ITGB6: variants seen among roughly 807,000 people sequenced by gnomAD.
ITGB6 encodes the protein integrin subunit beta 6, also known as integrin beta-6.
Under a neutral mutation model 84.5 loss-of-function variants are expected in ITGB6, and 80 were observed. That is an observed-to-expected ratio of 0.95 (90% CI 0.79 to 1.14). ITGB6 has a LOEUF of 1.14. Ranked by LOEUF, ITGB6 falls within the 50% of genes most tolerant of loss-of-function variation. The pLI is 0.00. For synonymous variants in ITGB6, 383 were observed against 354.9 expected (o/e 1.08, Z -0.89); for missense variants, 1,006 against 968.0 (o/e 1.04, Z -0.52).
intron 4 of ITGB6, 36 bp downstream of exon 4, chr2:160,195,333 C>T (rs1198244440): frequency 1.2e-6 from 2 of 1,612,076 alleles, no homozygotes; most frequent in Non-Finnish European, 1.7e-6. Flanking sequence ...CACAGAAAAT[C>T]AGCGCACAAA....
At chr2:160,179,322 T>G (rs2105877641) in intron 4 of ITGB6, among the ~76,000 whole-genome samples, 1 of 152,040 alleles carries the variant, frequency 6.6e-6, no homozygotes, top group Admixed American at 6.5e-5. Flanking sequence ...TACCATATAC[T>G]CATATATGTT....
At chr2:160,152,259 T>C (rs1458412006) in intron 7 of ITGB6, among the ~76,000 whole-genome samples, 1 of 152,208 alleles carries the variant, frequency 6.6e-6, no homozygotes, top group Admixed American at 6.5e-5. Context: ...CATGATCAAG[T>C]TGGCTTCATC....
intron 7 of ITGB6, among the ~76,000 whole-genome samples, chr2:160,163,711 A>T (rs976422859): frequency 3.3e-5 from 5 of 152,118 alleles, no homozygotes; most frequent in Admixed American, 6.5e-5. Flanking sequence ...AGCAGGTTCA[A>T]TTGTGAGTTA....
chr2:160,137,780 C>T lies in ITGB6; in HGVS notation c.1314G>A (p.Val438=). ...RRSRHIIIKP[V]GLGDALELLV... is the part of the protein sequence containing the mutation. Reference sequence around the variant, plus strand: ...GTAATTCCAGGGCATCCCCCAGCCCCACAGGCTTTATGATAATGTGCCTGC... The same window carrying T: ...GTAATTCCAGGGCATCCCCCAGCCCTACAGGCTTTATGATAATGTGCCTGC... The change falls in exon 10 of 15, where the codon GTG becomes GTA. Residue 438 remains valine (V), a synonymous_variant. Transcript: ENST00000283249. 6.2e-7 allele frequency: 1 copy of T among 1,614,154 alleles called. No homozygotes were observed.
chr2:160,134,190 C>A (rs561811343), intron 10 of ITGB6, among the ~76,000 whole-genome samples: 12 of 152,228 alleles, frequency 7.9e-5, no homozygotes, highest in East Asian at 3.9e-4. Context: ...AGAGAAGAAT[C>A]AAATAGATGC....
At chr2:160,175,232 T>C (rs530327868) in intron 4 of ITGB6, among the ~76,000 whole-genome samples, 61 of 152,254 alleles carry the variant, frequency 4.0e-4, no homozygotes, top group Non-Finnish European at 8.2e-4. Context: ...TAGGCTTCAG[T>C]TCATCAAGTT....
rs557117991 is a variant in ITGB6, at chr2:160,186,723, C to T, written c.593+8646G>A. Among the ~76,000 whole-genome samples the T allele has an allele frequency of 2.9e-4, 44 of 152,240 alleles. 1 individual carries two copies. The highest frequency in any genetic ancestry group is 9.1e-4 in the African/African-American group (38 of 41,544). Reference sequence around the variant, plus strand: ...AACACTTGGAACCAACCCAAATGTCCATCAATGATAGACTGGATAAAGAAA... The same window carrying T: ...AACACTTGGAACCAACCCAAATGTCTATCAATGATAGACTGGATAAAGAAA... On this transcript the variant is annotated intron_variant, in intron 4 of 14. Transcript: ENST00000283249.
intron 4 of ITGB6, among the ~76,000 whole-genome samples, chr2:160,183,335 C>G (rs909331569): frequency 6.6e-6 from 1 of 152,104 alleles, no homozygotes; most frequent in Non-Finnish European, 1.5e-5. Flanking sequence ...GCAGGGGTTA[C>G]AATCCTGGTC....
In ITGB6 at chr2:160,101,019, T is replaced by C. The variant is rs1425748703; in HGVS notation, c.*717A>G. 2 of 152,192 alleles carry C rather than the reference T, an allele frequency of 1.3e-5. No individual in the cohort carries two copies. The highest frequency in any genetic ancestry group is 6.5e-5 in the Admixed American group (1 of 15,282). 9.4% of individuals were successfully genotyped at this position (152,192 alleles called of 1,614,324 possible). A position where few individuals can be genotyped will look rare whatever the true frequency, so the allele number is the denominator to read the frequency against. ...GTCAAAAAGGAAACAGTGTAGAATA[T>C]CGTTTTTCAGGTAATTTAAAAATAA... is the stretch of plus-strand genomic sequence containing the variant. On this transcript the variant is annotated 3_prime_UTR_variant, in exon 15 of 15. Transcript: ENST00000283249.
rs528628105 is a variant in ITGB6, at chr2:160,100,519, C to T, written c.*1217G>A. ...GATTCTGAACCCAGCTCTACTCATT[C>T]TGAGCCTTAGTTTCCTTATGAGGAT... On this transcript the variant is annotated 3_prime_UTR_variant, in exon 15 of 15. Coordinates refer to ENST00000283249, the MANE Select transcript of ITGB6 (RefSeq NM_000888.5). The T allele has an allele frequency of 2.6e-5, 4 of 152,304 alleles. No individual in the cohort carries two copies. Among genetic ancestry groups the T allele is most frequent in the Non-Finnish European group, 5.9e-5 (4 of 68,028 alleles). 9.4% of individuals were successfully genotyped at this position (152,304 alleles called of 1,614,324 possible). A position where few individuals can be genotyped will look rare whatever the true frequency, so the allele number is the denominator to read the frequency against.
intron 5 of ITGB6, among the ~76,000 whole-genome samples, chr2:160,173,050 A>T (rs962911607): frequency 7.9e-5 from 12 of 152,186 alleles, no homozygotes; most frequent in Non-Finnish European, 1.5e-4. Flanking sequence ...CTCCAAAAAA[A>T]TTGAGCAGAG....
intron 10 of ITGB6, among the ~76,000 whole-genome samples, chr2:160,128,322 T>G (rs1271568458): frequency 2.0e-5 from 3 of 149,338 alleles, no homozygotes; most frequent in African/African-American, 7.4e-5. Flanking sequence ...TGTGGAATCA[T>G]GTGACCTGCT....
intron 5 of ITGB6, 150 bp downstream of exon 5, chr2:160,173,824 T>A (rs1685308540): frequency 3.1e-6 from 2 of 646,734 alleles, no homozygotes; most frequent in East Asian, 6.4e-5. Context: ...AATTAAACAT[T>A]TGGTAAAAAT....
At chr2:160,170,523 CTG>C (rs925720324) in intron 6 of ITGB6, among the ~76,000 whole-genome samples, 1 of 152,206 alleles carries the variant, frequency 6.6e-6, no homozygotes, top group African/African-American at 2.4e-5. Flanking sequence ...TCCTTAGCTG[CTG>C]TGTGTGTGTA....
intron 7 of ITGB6, among the ~76,000 whole-genome samples, chr2:160,157,255 G>A (rs1369974583): frequency 4.6e-5 from 7 of 152,098 alleles, no homozygotes; most frequent in Non-Finnish European, 8.8e-5. Context: ...TCCAAATAAG[G>A]TCACATTCTG....
intron 7 of ITGB6, among the ~76,000 whole-genome samples, chr2:160,146,991 T>C (rs1217571172): frequency 1.3e-5 from 2 of 148,988 alleles, no homozygotes; most frequent in East Asian, 3.9e-4. Flanking sequence ...TCCCAGCCAC[T>C]GGAAGGCTGA....
intron 4 of ITGB6, among the ~76,000 whole-genome samples, chr2:160,194,410 A>G (rs1388758193): frequency 6.6e-6 from 1 of 152,066 alleles, no homozygotes; most frequent in Non-Finnish European, 1.5e-5. Flanking sequence ...AAATTAATAA[A>G]TATTTGGAAC....
intron 7 of ITGB6, among the ~76,000 whole-genome samples, chr2:160,153,856 A>C (rs1263939449): frequency 6.6e-6 from 1 of 152,268 alleles, no homozygotes; most frequent in Non-Finnish European, 1.5e-5. Flanking sequence ...TGGCCATCAG[A>C]GAAATGCAAA....
chr2:160,132,302 CAG>C, intron 10 of ITGB6, among the ~76,000 whole-genome samples: 1 of 152,136 alleles, frequency 6.6e-6, no homozygotes, highest in South Asian at 2.1e-4. Flanking sequence ...TCGATCAGAA[CAG>C]ACCATAAATT....
Sources: allele counts gnomAD v4.1 joint callset (sites outside exome capture counted in the v4.1 genomes callset), GRCh38; gene constraint gnomAD v4.1.1; transcripts MANE v1.5; gene names NCBI Gene and HGNC (gene_info 2026-07-23, HGNC 2026-07-21).